Variants in CD300LB observed in about 807,000 individuals in gnomAD.
The protein encoded by CD300LB is CMRF35-like molecule 7.
CD300LB carries 18 observed loss-of-function variants against 20.8 expected under a neutral mutation model. That is an observed-to-expected ratio of 0.87 (90% confidence interval 0.60 to 1.28). The LOEUF is 1.28. Ranked by LOEUF, CD300LB falls within the 50% of genes most tolerant of loss-of-function variation. The pLI is 0.00. For synonymous variants in CD300LB, 91 were observed against 91.3 expected (o/e 1.00, Z 0.02); for missense variants, 222 against 251.8 (o/e 0.88, Z 0.80).
In CD300LB at chr17:74,522,687, G is replaced by A. The variant is rs372723877; in HGVS notation, c.*51C>T. The A allele has an allele frequency of 2.5e-6, 4 of 1,607,116 alleles. No homozygotes were observed. Among genetic ancestry groups the A allele is most frequent in the Non-Finnish European group, 3.4e-6 (4 of 1,175,348 alleles). The stretch of plus-strand genomic sequence containing the variant: ...CGTAGATGTTCCTTCCACAGCCCGA[G>A]TCTCTTCTGGAAACGTGGCCAGGGC... On this transcript the variant is annotated 3_prime_UTR_variant, in exon 4 of 4. Coordinates refer to ENST00000392621, the MANE Select transcript of CD300LB (RefSeq NM_174892.4).
At position 74,522,920 on chromosome 17, in the gene CD300LB, G is replaced by A. The variant is rs1343158438; in HGVS notation, c.444-20C>T. ...TGGTTCCTGGGGAAGGGGATGCAGTGGTCAGAGCCCTGGGCATCCCCAGGC... is the reference window on the plus strand; with the variant it reads ...TGGTTCCTGGGGAAGGGGATGCAGTAGTCAGAGCCCTGGGCATCCCCAGGC... On this transcript the variant is annotated intron_variant, in intron 3 of 3. Coordinates refer to ENST00000392621, the MANE Select transcript of CD300LB (RefSeq NM_174892.4). 1.2e-6 allele frequency: 2 copies of A among 1,610,356 alleles called. No individual in the cohort carries two copies. Among genetic ancestry groups the A allele is most frequent in the East Asian group, 2.2e-5 (1 of 44,832 alleles).
intron 1 of CD300LB, among the ~76,000 whole-genome samples, chr17:74,530,699 G>C (rs144451855): frequency 6.6e-6 from 1 of 152,274 alleles, no homozygotes; most frequent in East Asian, 1.9e-4. Context: ...AGTCACCAGA[G>C]AGAACTGCTT....
Position 74,526,088 on chromosome 17 carries a change from G to T in CD300LB, c.41-11C>A, listed in dbSNP as rs1372697986. 9.9e-6 allele frequency: 16 copies of T among 1,609,316 alleles called. No individual in the cohort carries two copies. The highest frequency in any genetic ancestry group is 1.4e-5 in the Non-Finnish European group (16 of 1,177,242). ...GGATGGAGAAACAGCCTGGAAAACA[G>T]AATCCCAAGATACAGCTCATTGCAC... On this transcript the variant is annotated splice_polypyrimidine_tract_variant and intron_variant, in intron 1 of 3. Coordinates refer to ENST00000392621, the MANE Select transcript of CD300LB (RefSeq NM_174892.4).
intron 1 of CD300LB, among the ~76,000 whole-genome samples, chr17:74,529,540 C>T (rs1376449044): frequency 6.6e-6 from 1 of 152,166 alleles, no homozygotes; most frequent in East Asian, 1.9e-4. Flanking sequence ...GCCTGTATTC[C>T]CGCACTTTGG....
At chr17:74,522,984 C>A in intron 3 of CD300LB, 84 bp from the exon 4 acceptor site, 1 of 1,367,874 alleles carries the variant, frequency 7.3e-7, no homozygotes, top group Admixed American at 2.2e-5. Flanking sequence ...AGCCACCAGC[C>A]AAAGCCTGTG....
Position 74,522,203 on chromosome 17 carries a change from T to A in CD300LB, c.*535A>T. ...GGGACAGGGTCCATCCAGCCCCTCA[T>A]GCCCTAGAACCAGGAACTCATCCCA... On this transcript the variant is annotated 3_prime_UTR_variant, in exon 4 of 4. Transcript: ENST00000392621. The A allele has an allele frequency of 5.1e-6, 5 of 985,924 alleles. No homozygotes were observed. Among genetic ancestry groups the A allele is most frequent in the Non-Finnish European group, 6.0e-6 (5 of 830,222 alleles). The allele number at this position is 985,924 out of a possible 1,614,324, so 61.1% of individuals were successfully genotyped here.
Position 74,521,597 on chromosome 17 carries a change from G to A in CD300LB, c.*1141C>T, listed in dbSNP as rs547692341. 7.1e-6 allele frequency: 7 copies of A among 985,478 alleles called. No individual in the cohort carries two copies. In the East Asian group the frequency reaches 7.9e-4, roughly 112 times the overall value. The allele number at this position is 985,478 out of a possible 1,614,324, so 61.0% of individuals were successfully genotyped here. On this transcript the variant is annotated 3_prime_UTR_variant, in exon 4 of 4. Coordinates refer to ENST00000392621, the MANE Select transcript of CD300LB (RefSeq NM_174892.4). Reference sequence around the variant, plus strand: ...TCTGGGTGCCATGCTAGGGACCAGAGGGTCCCCTCTCCTTTATCCACTGCT... The same window carrying A: ...TCTGGGTGCCATGCTAGGGACCAGAAGGTCCCCTCTCCTTTATCCACTGCT...
intron 1 of CD300LB, among the ~76,000 whole-genome samples, chr17:74,526,670 A>C (rs1908045894): frequency 6.6e-6 from 1 of 152,192 alleles, no homozygotes. Context: ...CTGAGATCGC[A>C]CCACTGCACT....
At chr17:74,525,623 C>G in intron 2 of CD300LB, 125 bp downstream of exon 2, 1 of 291,562 alleles carries the variant, frequency 3.4e-6, no homozygotes, top group South Asian at 7.4e-5. Flanking sequence ...GTCTGTCTGT[C>G]TCTCTCTCTC....
At position 74,521,895 on chromosome 17, in the gene CD300LB, A is replaced by C. The variant is rs1417833272; in HGVS notation, c.*843T>G. 1 of 985,330 alleles carries C rather than the reference A, an allele frequency of 1.0e-6. No homozygotes were observed. The highest frequency in any genetic ancestry group is 1.7e-5 in the African/African-American group (1 of 57,234). 61.0% of individuals were successfully genotyped at this position (985,330 alleles called of 1,614,324 possible). A position where few individuals can be genotyped will look rare whatever the true frequency, so the allele number is the denominator to read the frequency against. On this transcript the variant is annotated 3_prime_UTR_variant, in exon 4 of 4. Coordinates refer to ENST00000392621, the MANE Select transcript of CD300LB (RefSeq NM_174892.4). ...TTTTCATTAGTAACATGATTTCAAC[A>C]TCACCGAAAAGGGAGGGTGCCATTT...
At chr17:74,523,205 C>G (rs150646298) in intron 3 of CD300LB, 14 of 506,356 alleles carry the variant, frequency 2.8e-5, no homozygotes, top group African/African-American at 2.1e-4. Flanking sequence ...TTTCCTGCCT[C>G]TGTTCCTGCT....
chr17:74,523,859 T>C (rs1003287927), intron 2 of CD300LB, among the ~76,000 whole-genome samples: 1 of 152,198 alleles, frequency 6.6e-6, no homozygotes, highest in Admixed American at 6.5e-5. Context: ...TGTTCAGATG[T>C]GGCAAGAAAA....
At chr17:74,524,715 G>A (rs71375233) in intron 2 of CD300LB, among the ~76,000 whole-genome samples, 4,323 of 152,234 alleles carry the variant, frequency 0.028, 68 homozygotes, top group African/African-American at 0.051. Flanking sequence ...GCCCCTGATC[G>A]TTTTACAGGC....
At chr17:74,526,148 T>C in intron 1 of CD300LB, 71 bp from the exon 2 acceptor site, 1 of 1,546,572 alleles carries the variant, frequency 6.5e-7, no homozygotes, top group Non-Finnish European at 8.7e-7. Flanking sequence ...TCTCACGGAC[T>C]CTGGGCCTTG....
chr17:74,526,115 G>A (rs776299947), intron 1 of CD300LB, 38 bp from the exon 2 acceptor site: 14 of 1,591,734 alleles, frequency 8.8e-6, no homozygotes, highest in Admixed American at 8.5e-5. Flanking sequence ...TCATTGCACC[G>A]GCACGAACCC....
chr17:74,522,593 G>T lies in CD300LB; in HGVS notation c.*145C>A. 6.8e-7 allele frequency: 1 copy of T among 1,468,954 alleles called. No individual in the cohort carries two copies. Among genetic ancestry groups the T allele is most frequent in the Non-Finnish European group, 9.0e-7 (1 of 1,113,892 alleles). 91.0% of individuals were successfully genotyped at this position (1,468,954 alleles called of 1,614,324 possible). A position where few individuals can be genotyped will look rare whatever the true frequency, so the allele number is the denominator to read the frequency against. On this transcript the variant is annotated 3_prime_UTR_variant, in exon 4 of 4. Coordinates refer to ENST00000392621, the MANE Select transcript of CD300LB (RefSeq NM_174892.4). ...TCCCTGAGCTGTGCAGAACAGGGAG[G>T]TGCCCACCAGCTCCAAGGCCAGGGC...
intron 1 of CD300LB, among the ~76,000 whole-genome samples, chr17:74,529,121 G>A (rs1373640484): frequency 1.3e-5 from 2 of 152,012 alleles, no homozygotes; most frequent in Non-Finnish European, 2.9e-5. Context: ...GACAGAGTGA[G>A]ACACTGTCTT....
Position 74,522,399 on chromosome 17 carries a change from C to G in CD300LB, c.*339G>C. The G allele has an allele frequency of 9.7e-7, 1 of 1,033,242 alleles. No individual in the cohort carries two copies. The highest frequency in any genetic ancestry group is 1.2e-6 in the Non-Finnish European group (1 of 860,648). 64.0% of individuals were successfully genotyped at this position (1,033,242 alleles called of 1,614,324 possible). ...GATGGAAGTCTAGGGCTGGGGGGGT[C>G]TCCCCCAACCTCTTTCTGTACTTTG... On this transcript the variant is annotated 3_prime_UTR_variant, in exon 4 of 4. Transcript: ENST00000392621.
chr17:74,522,300 A>AG lies in CD300LB; in HGVS notation c.*437dup. ...TAAGTCATTAAAACCCAACTTTGCT[A>AG]GAAAAAAAAAAATTTAAAAACACGG... On this transcript the variant is annotated 3_prime_UTR_variant, in exon 4 of 4. Transcript: ENST00000392621. 1 of 987,244 alleles carries AG rather than the reference A, an allele frequency of 1.0e-6. No homozygotes were observed. The highest frequency in any genetic ancestry group is 1.2e-6 in the Non-Finnish European group (1 of 831,408). 61.2% of individuals were successfully genotyped at this position (987,244 alleles called of 1,614,324 possible).
Sources: gnomAD v4.1 joint callset for allele counts (sites outside exome capture counted in the v4.1 genomes callset) on GRCh38, gnomAD v4.1.1 for gene constraint, MANE v1.5 for transcripts, NCBI Gene and HGNC (gene_info 2026-07-23, HGNC 2026-07-21) for gene names.